The following RBFOX3 variants were observed in gnomAD, a reference collection of about 807,000 sequenced individuals.
The protein encoded by RBFOX3 is RNA binding fox-1 homolog 3.
Under a neutral mutation model 48.7 loss-of-function variants are expected in RBFOX3, and 17 were observed. That is an observed-to-expected ratio of 0.35 (90% CI 0.24 to 0.52). The LOEUF (loss-of-function observed/expected upper bound fraction) is 0.52, where lower values mean the gene tolerates loss of function less well. Among genes scored for constraint, RBFOX3 ranks in the 20% least tolerant of loss-of-function variants. The probability of loss-of-function intolerance (pLI) is 0.94; values close to 1 mark genes in which losing one functional copy is unlikely to be tolerated. For synonymous variants in RBFOX3, 212 were observed against 209.5 expected, an observed-to-expected ratio of 1.01 and a Z score of -0.10; for missense variants, 382 against 497.5, an observed-to-expected ratio of 0.77 and a Z score of 2.21.
intron 2 of RBFOX3, among the ~76,000 whole-genome samples, chr17:79,435,095 C>G (rs1436579975): frequency 6.6e-6 from 1 of 152,240 alleles, no homozygotes; most frequent in African/African-American, 2.4e-5. Context: ...TTCCTTCAAT[C>G]TGGGACCCCA....
At chr17:79,324,469 C>T (rs911796414) in intron 2 of RBFOX3, among the ~76,000 whole-genome samples, 2 of 152,228 alleles carry the variant, frequency 1.3e-5, no homozygotes, top group African/African-American at 2.4e-5. Context: ...AGTTGGCACA[C>T]AGCCCTCCCA....
intron 2 of RBFOX3, among the ~76,000 whole-genome samples, chr17:79,359,733 A>ATTTT (rs34738864): frequency 1.7e-3 from 253 of 148,352 alleles, no homozygotes; most frequent in East Asian, 0.011. Flanking sequence ...AATTTGGGTC[A>ATTTT]TTTTTTTTTT....
the RBFOX3 span, among the ~76,000 whole-genome samples, chr17:79,651,073 A>G: frequency 6.6e-6 from 1 of 152,206 alleles, no homozygotes; most frequent in Non-Finnish European, 1.5e-5. Flanking sequence ...AGGTCCCTGC[A>G]GGGTTGAGTT....
chr17:79,245,776 C>T (rs1412362229), intron 3 of RBFOX3, among the ~76,000 whole-genome samples: 2 of 151,886 alleles, frequency 1.3e-5, no homozygotes, highest in African/African-American at 2.4e-5. Flanking sequence ...TACAGATGTA[C>T]ACCACCATGA....
intron 1 of RBFOX3, among the ~76,000 whole-genome samples, chr17:79,583,198 C>T (rs1399771760): frequency 6.6e-6 from 1 of 152,224 alleles, no homozygotes; most frequent in Admixed American, 6.5e-5. Flanking sequence ...TGACCCTGGC[C>T]TCCCCAAGCC....
the RBFOX3 span, among the ~76,000 whole-genome samples, chr17:79,635,746 G>A: frequency 1.3e-5 from 2 of 152,064 alleles, no homozygotes; most frequent in African/African-American, 4.8e-5. Flanking sequence ...AAATTAAGAA[G>A]TAAAGCATGA....
chr17:79,645,070 C>A, the RBFOX3 span, among the ~76,000 whole-genome samples: 2 of 152,224 alleles, frequency 1.3e-5, no homozygotes, highest in African/African-American at 4.8e-5. Flanking sequence ...TCACAATATA[C>A]TCAGAGTCTA....
In RBFOX3 at chr17:79,535,276, T is replaced by A. The variant is rs1242371756; in HGVS notation, c.-319-52678A>T. Among the ~76,000 whole-genome samples the A allele has an allele frequency of 2.6e-5, 4 of 152,116 alleles. No homozygotes were observed. Among genetic ancestry groups the A allele is most frequent in the Non-Finnish European group, 5.9e-5 (4 of 68,006 alleles). On this transcript the variant is annotated intron_variant, in intron 1 of 14. Transcript: ENST00000693108. The surrounding 1 kb of genome is among the most constrained non-coding windows in gnomAD (Gnocchi z 4.5). Reference sequence around the variant, plus strand: ...CCAAGGGCTGTTCACAGAGGCTGACTCCCGTCCTCCCTTTCCTGAAAGACA... The same window carrying A: ...CCAAGGGCTGTTCACAGAGGCTGACACCCGTCCTCCCTTTCCTGAAAGACA...
At chr17:79,528,834 C>T (rs922985848) in intron 1 of RBFOX3, among the ~76,000 whole-genome samples, 19 of 152,094 alleles carry the variant, frequency 1.2e-4, no homozygotes, top group African/African-American at 4.3e-4. Flanking sequence ...CGACACCCTC[C>T]CCTCGCAGGG....
At chr17:79,470,148 C>T (rs984823115) in intron 2 of RBFOX3, among the ~76,000 whole-genome samples, 3 of 152,242 alleles carry the variant, frequency 2.0e-5, no homozygotes, top group Admixed American at 1.3e-4. Context: ...CCGATCCAGA[C>T]CCAAAAGGGC....
At chr17:79,296,271 C>T (rs189588536) in intron 3 of RBFOX3, among the ~76,000 whole-genome samples, 31 of 150,964 alleles carry the variant, frequency 2.1e-4, no homozygotes, top group Admixed American at 4.0e-4. Flanking sequence ...ACCCCCACCC[C>T]GCAAAAAGGC....
chr17:79,613,341 G>T (rs2093982136), upstream of RBFOX3, among the ~76,000 whole-genome samples: 2 of 152,232 alleles, frequency 1.3e-5, no homozygotes, highest in African/African-American at 4.8e-5. Context: ...CCCCAGCCAG[G>T]CCGGCCTCAT....
At chr17:79,106,963 C>T (rs1416093568) in intron 5 of RBFOX3, among the ~76,000 whole-genome samples, 175 bp from the exon 6 acceptor site, 1 of 152,166 alleles carries the variant, frequency 6.6e-6, no homozygotes, top group Non-Finnish European at 1.5e-5. Context: ...CCATGAGATA[C>T]AGCACAGGGG....
chr17:79,617,173 A>G, the RBFOX3 span, among the ~76,000 whole-genome samples: 3 of 152,008 alleles, frequency 2.0e-5, no homozygotes, highest in African/African-American at 4.8e-5. Context: ...TTCTAGTTTC[A>G]TCTTGTCTTC....
chr17:79,297,407 AG>A (rs2074571926), intron 3 of RBFOX3, among the ~76,000 whole-genome samples: 1 of 152,194 alleles, frequency 6.6e-6, no homozygotes, highest in Admixed American at 6.5e-5. Context: ...GCCAGCCCCA[AG>A]GGTAACTAGT....
chr17:79,287,753 G>C (rs543977877), intron 3 of RBFOX3, among the ~76,000 whole-genome samples: 13 of 152,308 alleles, frequency 8.5e-5, no homozygotes, highest in African/African-American at 3.1e-4. Context: ...AGAGCCCACA[G>C]GGGTCCAGGC....
chr17:79,434,095 G>A lies in RBFOX3; in HGVS notation c.-175+48359C>T, dbSNP rs992321050. 1.3e-3 allele frequency among the ~76,000 whole-genome samples: 203 copies of A among 152,200 alleles called. 2 individuals carry two copies. Among genetic ancestry groups the A allele is most frequent in the African/African-American group, 4.4e-3 (181 of 41,518 alleles). ...CCTTTTAAACAGTGAACCCCCCAAC[G>A]GAAAGCACAAAAACGTGAAGAACAT... On this transcript the variant is annotated intron_variant, in intron 2 of 14. Transcript: ENST00000693108.
At chr17:79,589,588 A>G (rs2093357611) in intron 1 of RBFOX3, among the ~76,000 whole-genome samples, 1 of 151,722 alleles carries the variant, frequency 6.6e-6, no homozygotes, top group Non-Finnish European at 1.5e-5. Flanking sequence ...TTCCCTCCCA[A>G]TCTCCTCCCT....
At chr17:79,578,619 A>G (rs1218737067) in intron 1 of RBFOX3, among the ~76,000 whole-genome samples, 9 of 152,258 alleles carry the variant, frequency 5.9e-5, no homozygotes, top group Non-Finnish European at 8.8e-5. Context: ...CGCATCCTCA[A>G]CAGAGACCCT....
Sources: allele counts gnomAD v4.1 joint callset (sites outside exome capture counted in the v4.1 genomes callset), GRCh38; gene constraint gnomAD v4.1.1; non-coding constraint Gnocchi (gnomAD v3.1); transcripts MANE v1.5; gene names NCBI Gene and HGNC (gene_info 2026-07-23, HGNC 2026-07-21).